The following NR2C1 variants were observed in gnomAD, a reference collection of about 807,000 sequenced individuals.
NR2C1 encodes nuclear receptor subfamily 2 group C member 1.
NR2C1 carries 33 observed loss-of-function variants against 74.8 expected under a neutral mutation model. That is an observed-to-expected ratio of 0.44 (90% CI 0.33 to 0.59). The LOEUF is 0.59. NR2C1 is among the 20% of genes least tolerant of loss of function. The pLI, the probability that NR2C1 is intolerant of heterozygous loss-of-function variation, is 0.02. For synonymous variants in NR2C1, 225 were observed against 240.6 expected (o/e 0.94, Z 0.60); for missense variants, 568 against 715.6 (o/e 0.79, Z 2.35).
chr12:95,073,030 C>A (rs1229055187), intron 1 of NR2C1: 2 of 152,276 alleles, frequency 1.3e-5, no homozygotes, highest in Non-Finnish European at 2.9e-5. Flanking sequence ...GCGGGGAAAG[C>A]TGCAGCGCCG....
intron 2 of NR2C1, among the ~76,000 whole-genome samples, chr12:95,065,847 G>A (rs1032928719): frequency 4.0e-5 from 6 of 151,860 alleles, no homozygotes; most frequent in Non-Finnish European, 8.8e-5. Flanking sequence ...CTACTCAGGA[G>A]GCTGAGGCAG....
Position 95,028,538 on chromosome 12 carries a change from T to A in NR2C1, c.1394-14A>T. On this transcript the variant is annotated splice_polypyrimidine_tract_variant and intron_variant, in intron 11 of 13. Transcript: ENST00000333003. ...TTGACATTTTATCTTTAATTAAAAA[T>A]AAACAAATGCTTCTAGTGTTTGTCT... 1 of 1,445,152 alleles carries A rather than the reference T, an allele frequency of 6.9e-7. No individual in the cohort carries two copies. Among genetic ancestry groups the A allele is most frequent in the Non-Finnish European group, 9.6e-7 (1 of 1,037,060 alleles). The allele number at this position is 1,445,152 out of a possible 1,614,324, so 89.5% of individuals were successfully genotyped here. A position where few individuals can be genotyped will look rare whatever the true frequency, so the allele number is the denominator to read the frequency against.
chr12:95,052,689 G>C (rs1321389704), intron 7 of NR2C1, among the ~76,000 whole-genome samples: 1 of 151,382 alleles, frequency 6.6e-6, no homozygotes, highest in Non-Finnish European at 1.5e-5. Context: ...CTGGTATCAA[G>C]TGATCCTCCC....
intron 10 of NR2C1, among the ~76,000 whole-genome samples, chr12:95,033,136 A>G (rs1277707054): frequency 3.3e-5 from 5 of 151,620 alleles, no homozygotes; most frequent in African/African-American, 1.2e-4. Flanking sequence ...CTGGCACAGG[A>G]AGACCCTGTC....
intron 7 of NR2C1, among the ~76,000 whole-genome samples, chr12:95,054,300 C>T (rs1186992803): frequency 7.0e-6 from 1 of 142,208 alleles, no homozygotes; most frequent in Non-Finnish European, 1.6e-5. Flanking sequence ...AAAGTCTATG[C>T]TTTTTTTTTT....
At chr12:95,026,096 A>T (rs2136091583) in intron 12 of NR2C1, among the ~76,000 whole-genome samples, 1 of 152,038 alleles carries the variant, frequency 6.6e-6, no homozygotes, top group East Asian at 1.9e-4. Context: ...AATCCCAGCT[A>T]CTTGGGAGGC....
At chr12:95,057,254 G>A (rs901092677) in intron 7 of NR2C1, among the ~76,000 whole-genome samples, 4 of 151,334 alleles carry the variant, frequency 2.6e-5, no homozygotes, top group African/African-American at 4.9e-5. Flanking sequence ...ACAGGCATGC[G>A]CCACCACGCC....
rs754652187 is a variant in NR2C1, at chr12:95,025,180, A to G, written c.1607T>C (p.Ile536Thr). ...EKAYVEFQDY[I>T]TKTYPDDTYR... Reference sequence around the variant, plus strand: ...GGTGTCATCTGGATATGTTTTGGTTATATAATCTTGGAATTCCACATAAGC... The same window carrying G: ...GGTGTCATCTGGATATGTTTTGGTTGTATAATCTTGGAATTCCACATAAGC... Residue 536 changes from isoleucine (I) to threonine (T), a missense_variant, in exon 13 of 14, where the codon ATA (isoleucine) becomes ACA (threonine). Physicochemically the swap from Ile to Thr is moderately conservative, Grantham distance 89 (BLOSUM62 -1). This residue lies in a region of NR2C1 where 117 missense variants were observed against 186.7 expected (regional missense o/e 0.63). Coordinates refer to ENST00000333003, the MANE Select transcript of NR2C1 (RefSeq NM_003297.4). 1.9e-6 allele frequency: 3 copies of G among 1,593,574 alleles called. No homozygotes were observed. The highest frequency in any genetic ancestry group is 2.6e-6 in the Non-Finnish European group (3 of 1,162,842).
In NR2C1 at chr12:95,048,375, A is replaced by G. The variant is rs1026877544; in HGVS notation, c.1131+693T>C. On this transcript the variant is annotated intron_variant, in intron 9 of 13. Transcript: ENST00000333003. ...GCTAGGCATTGAACAAAAGCAGTCC[A>G]TTCAACACATCATGAATGCCAATAC... Among the ~76,000 whole-genome samples the G allele has an allele frequency of 1.2e-4, 19 of 152,382 alleles. 4 individuals are homozygous for G. Among genetic ancestry groups the G allele is most frequent in the Admixed American group, 7.2e-4 (11 of 15,308 alleles).
chr12:95,069,055 C>G (rs1370607111), intron 1 of NR2C1, among the ~76,000 whole-genome samples: 1 of 152,084 alleles, frequency 6.6e-6, no homozygotes, highest in Non-Finnish European at 1.5e-5. Flanking sequence ...AAAGAAACTG[C>G]AAGTTTGGAA....
At chr12:95,031,718 G>A (rs80192565) in intron 10 of NR2C1, among the ~76,000 whole-genome samples, 1 of 152,164 alleles carries the variant, frequency 6.6e-6, no homozygotes, top group East Asian at 1.9e-4. Context: ...AAGAACAATT[G>A]CAAGTAATAT....
rs139616412 is a variant in NR2C1 at position 95,072,470 on chromosome 12, A to G, written c.-8+910T>C. ...CTCTCCCTCTCAAAAAAAAAAAAAA[A>G]AAAAGAAAAAAAAATCGAGTATCAC... On this transcript the variant is annotated intron_variant, in intron 1 of 13. Coordinates refer to ENST00000333003, the MANE Select transcript of NR2C1 (RefSeq NM_003297.4). Among the ~76,000 whole-genome samples the G allele has an allele frequency of 1.5e-3, 227 of 150,318 alleles. 2 individuals are homozygous for G. Among genetic ancestry groups the G allele is most frequent in the African/African-American group, 5.1e-3 (209 of 40,870 alleles).
At chr12:95,069,694 C>A (rs911413626) in intron 1 of NR2C1, among the ~76,000 whole-genome samples, 4 of 152,208 alleles carry the variant, frequency 2.6e-5, no homozygotes, top group African/African-American at 9.6e-5. Context: ...AGGCAACACA[C>A]ACATTCCTTT....
chr12:95,061,221 C>A (rs1192402098), intron 3 of NR2C1, among the ~76,000 whole-genome samples: 2 of 152,172 alleles, frequency 1.3e-5, no homozygotes, highest in Non-Finnish European at 2.9e-5. Context: ...CAACTCAATG[C>A]AATAAGGTAT....
intron 9 of NR2C1, among the ~76,000 whole-genome samples, chr12:95,045,810 T>C (rs1872239707): frequency 6.6e-6 from 1 of 152,124 alleles, no homozygotes; most frequent in Admixed American, 6.5e-5. Flanking sequence ...CATGAAATCA[T>C]ACCAAAAATT....
At position 95,048,532 on chromosome 12, in the gene NR2C1, A is replaced by G. The variant is rs1872585765; in HGVS notation, c.1131+536T>C. On this transcript the variant is annotated intron_variant, in intron 9 of 13. Transcript: ENST00000333003. Reference sequence around the variant, plus strand: ...TCTACATAAGGCTTTAGCCTCCTGCATAGATGCACACTAACATGCCCAGCT... The same window carrying G: ...TCTACATAAGGCTTTAGCCTCCTGCGTAGATGCACACTAACATGCCCAGCT... 1.3e-5 allele frequency among the ~76,000 whole-genome samples: 2 copies of G among 152,172 alleles called. 1 individual carries two copies. Among genetic ancestry groups the G allele is most frequent in the South Asian group, 4.1e-4 (2 of 4,826 alleles).
intron 4 of NR2C1, among the ~76,000 whole-genome samples, 180 bp from the exon 5 acceptor site, chr12:95,058,669 G>A (rs1874268162): frequency 6.6e-6 from 1 of 152,128 alleles, no homozygotes. Context: ...ACGGGATCTC[G>A]CTCTGTGGCC....
At chr12:95,067,436 CTCT>C in intron 1 of NR2C1, 45 bp from the exon 2 acceptor site, 1 of 1,295,504 alleles carries the variant, frequency 7.7e-7, no homozygotes, top group Non-Finnish European at 1.1e-6. Context: ...TCACAAAACA[CTCT>C]TATTAAATAA....
intron 1 of NR2C1, among the ~76,000 whole-genome samples, chr12:95,070,835 A>T (rs1387183191): frequency 6.6e-6 from 1 of 152,210 alleles, no homozygotes; most frequent in Non-Finnish European, 1.5e-5. Context: ...TGTTCAGGTC[A>T]AACTACGATG....
Sources: gnomAD v4.1 joint callset for allele counts (sites outside exome capture counted in the v4.1 genomes callset) on GRCh38, gnomAD v4.1.1 for gene constraint, gnomAD v4.1.1 regional missense constraint, MANE v1.5 for transcripts, NCBI Gene and HGNC (gene_info 2026-07-23, HGNC 2026-07-21) for gene names.